The following C6orf52 variants were observed in gnomAD, a reference collection of about 807,000 sequenced individuals.
The protein encoded by C6orf52 is chromosome 6 open reading frame 52, also known as putative uncharacterized protein C6orf52.
Under a neutral mutation model 16.6 loss-of-function variants are expected in C6orf52, and 16 were observed. The ratio of observed to expected loss-of-function variants is 0.96; its 90% CI spans 0.65 to 1.46. The LOEUF is 1.46. Ranked by LOEUF, C6orf52 falls within the 40% of genes most tolerant of loss-of-function variation. C6orf52 has a pLI of 0.00. For synonymous variants in C6orf52, 53 were observed against 61.4 expected, an observed-to-expected ratio of 0.86 and a Z score of 0.64; for missense variants, 166 against 182.3, an observed-to-expected ratio of 0.91 and a Z score of 0.52.
chr6:10,694,804 A>T (rs1769727848), upstream of C6orf52: 2 of 552,280 alleles, frequency 3.6e-6, no homozygotes, highest in Non-Finnish European at 6.4e-6. Flanking sequence ...AATCCATGTG[A>T]CCTCCCCGCG....
At chr6:10,674,696 G>GAGTAGAAC (rs1767719491) in intron 4 of C6orf52, 1 of 147,804 alleles carries the variant, frequency 6.8e-6, no homozygotes, top group Non-Finnish European at 1.5e-5. Flanking sequence ...AGCAAGGAAA[G>GAGTAGAAC]AGTAGAACAA....
intron 4 of C6orf52, among the ~76,000 whole-genome samples, chr6:10,675,349 C>A (rs187177733): frequency 6.6e-6 from 1 of 152,190 alleles, no homozygotes; most frequent in African/African-American, 2.4e-5. Context: ...CATGTTGCCA[C>A]AAATGACAAG....
In C6orf52 at chr6:10,671,596, G is replaced by C. The variant is rs745323628; in HGVS notation, c.319C>G (p.Pro107Ala). ...TCCTCAATATTCAAATGAAGATGTG[G>C]ATCTGCAGAAGCCAATAATGGATAT... ...ENQDEDPLED[P>A]HLHLNIEESN... is the part of the protein sequence containing the mutation. The change falls in exon 5 of 5, where the codon CCA becomes GCA. Residue 107 changes from proline (P) to alanine (A), a missense_variant and splice_region_variant. Pro to Ala is a conservative substitution (Grantham distance 27). Coordinates refer to ENST00000259983, the MANE Select transcript of C6orf52 (RefSeq NM_001145020.3). 6.5e-7 allele frequency: 1 copy of C among 1,536,876 alleles called. No individual in the cohort carries two copies. Among genetic ancestry groups the C allele is most frequent in the Admixed American group, 2.1e-5 (1 of 48,550 alleles).
At chr6:10,673,132 A>C (rs1422556980) in intron 4 of C6orf52, among the ~76,000 whole-genome samples, 2 of 152,146 alleles carry the variant, frequency 1.3e-5, no homozygotes, top group East Asian at 3.8e-4. Context: ...AAATTTTCTT[A>C]CACTTCTGTC....
At chr6:10,677,828 A>G (rs561793518) in intron 4 of C6orf52, among the ~76,000 whole-genome samples, 1 of 151,534 alleles carries the variant, frequency 6.6e-6, no homozygotes, top group East Asian at 1.9e-4. Flanking sequence ...GACACTGTGC[A>G]CTCGGTCATT....
In C6orf52 at chr6:10,685,635, CAT is replaced by C. The variant is rs1302389681; in HGVS notation, c.270+1329_270+1330del. ...GACTCCAAAGTGTTAATTTCTCTAA[CAT>C]GTGAATATCTTATGCAGTCAAGCAA... On this transcript the variant is annotated intron_variant, in intron 3 of 4. Transcript: ENST00000259983. Among the ~76,000 whole-genome samples, 6 of 152,186 alleles carry C rather than the reference CAT, an allele frequency of 3.9e-5. 1 individual carries two copies. The Middle Eastern group carries it at 0.013, about 321-fold the overall frequency.
At chr6:10,676,862 C>T (rs1467311409) in intron 4 of C6orf52, among the ~76,000 whole-genome samples, 1 of 152,176 alleles carries the variant, frequency 6.6e-6, no homozygotes, top group Non-Finnish European at 1.5e-5. Flanking sequence ...TGTCCATGTC[C>T]TTATTCCTCC....
intron 2 of C6orf52, 80 bp downstream of exon 2, chr6:10,687,400 T>C (rs750686842): frequency 7.3e-6 from 8 of 1,093,576 alleles, no homozygotes; most frequent in Non-Finnish European, 9.3e-6. Flanking sequence ...AAAAAAGCCA[T>C]AGTTTGTAAG....
At chr6:10,688,193 G>T (rs549339984) in intron 1 of C6orf52, among the ~76,000 whole-genome samples, 26 of 150,338 alleles carry the variant, frequency 1.7e-4, no homozygotes, top group African/African-American at 6.0e-4. Context: ...ATATTTCTCT[G>T]GTTCAGTTTT....
At chr6:10,686,303 C>T (rs1581556725) in intron 3 of C6orf52, among the ~76,000 whole-genome samples, 1 of 152,236 alleles carries the variant, frequency 6.6e-6, no homozygotes, top group Non-Finnish European at 1.5e-5. Context: ...CCCCTAACCA[C>T]CAAAACAGAA....
chr6:10,694,419 C>G (rs1769670994), intron 1 of C6orf52, 75 bp downstream of exon 1: 1 of 154,642 alleles, frequency 6.5e-6, no homozygotes, highest in African/African-American at 2.4e-5. Flanking sequence ...TCTAGCACTC[C>G]GAGTCCGTCA....
At chr6:10,687,768 C>T (rs1234424089) in intron 1 of C6orf52, among the ~76,000 whole-genome samples, 1 of 152,100 alleles carries the variant, frequency 6.6e-6, no homozygotes, top group Non-Finnish European at 1.5e-5. Flanking sequence ...ACTGAGGCAC[C>T]TGGGGGAACT....
At chr6:10,683,346 ATAT>A in intron 3 of C6orf52, 114 bp from the exon 4 acceptor site, 1 of 614,038 alleles carries the variant, frequency 1.6e-6, no homozygotes, top group Non-Finnish European at 2.8e-6. Context: ...AATAAAAATA[ATAT>A]TGACAATTAA....
chr6:10,677,529 T>C (rs963253593), intron 4 of C6orf52, among the ~76,000 whole-genome samples: 1 of 151,050 alleles, frequency 6.6e-6, no homozygotes, highest in Non-Finnish European at 1.5e-5. Flanking sequence ...ATAGTATCAT[T>C]TTTTTCTTTT....
At chr6:10,673,634 A>T (rs1767614553) in intron 4 of C6orf52, among the ~76,000 whole-genome samples, 1 of 152,238 alleles carries the variant, frequency 6.6e-6, no homozygotes, top group Non-Finnish European at 1.5e-5. Flanking sequence ...GTTACACAAC[A>T]TTACGAATGT....
At position 10,686,490 on chromosome 6, in the gene C6orf52, T is replaced by C. The variant is rs184539669; in HGVS notation, c.270+476A>G. Among the ~76,000 whole-genome samples the C allele has an allele frequency of 7.2e-5, 11 of 152,342 alleles. No homozygotes were observed. In the East Asian group the frequency reaches 2.1e-3, roughly 29 times the overall value. The stretch of plus-strand genomic sequence containing the variant: ...GTGTGATTTGAGAAATATGTCACTT[T>C]AGTAATTCAAAGTATTAAAATATAT... On this transcript the variant is annotated intron_variant, in intron 3 of 4. Transcript: ENST00000259983.
intron 4 of C6orf52, among the ~76,000 whole-genome samples, chr6:10,672,793 C>T (rs1363787075): frequency 6.6e-6 from 1 of 152,168 alleles, no homozygotes; most frequent in Non-Finnish European, 1.5e-5. Context: ...CCAAATTATC[C>T]AGACCCTGGA....
chr6:10,694,158 G>A (rs903908544), intron 1 of C6orf52, among the ~76,000 whole-genome samples: 7 of 151,660 alleles, frequency 4.6e-5, no homozygotes, highest in African/African-American at 1.2e-4. Flanking sequence ...TACTCGGGAG[G>A]CTGAGGCAGG....
intron 4 of C6orf52, among the ~76,000 whole-genome samples, chr6:10,673,602 G>A (rs1021728808): frequency 8.5e-5 from 13 of 152,194 alleles, no homozygotes; most frequent in African/African-American, 2.4e-4. Flanking sequence ...AAAATGAAGA[G>A]TTCTGGAGAT....
Sources: allele counts gnomAD v4.1 joint callset (sites outside exome capture counted in the v4.1 genomes callset), GRCh38; gene constraint gnomAD v4.1.1; transcripts MANE v1.5; gene names NCBI Gene and HGNC (gene_info 2026-07-23, HGNC 2026-07-21).